The following ZNF596 variants were observed in gnomAD, a reference collection of about 807,000 sequenced individuals.
The protein encoded by ZNF596 is zinc finger protein 596.
ZNF596 carries 45 observed loss-of-function variants against 48.3 expected under a neutral mutation model. The ratio of observed to expected loss-of-function variants is 0.93; its 90% confidence interval spans 0.73 to 1.19. ZNF596 has a LOEUF of 1.19. Ranked by LOEUF, ZNF596 falls within the 50% of genes most tolerant of loss-of-function variation. The pLI, the probability that ZNF596 is intolerant of heterozygous loss-of-function variation, is 0.00. For missense variants in ZNF596, 848 were observed against 599.7 expected, an observed-to-expected ratio of 1.41 and a Z score of -4.32; for synonymous variants, 270 against 202.0, an observed-to-expected ratio of 1.34 and a Z score of -2.85.
intron 1 of ZNF596, among the ~76,000 whole-genome samples, chr8:238,529 G>A (rs1465772887): frequency 3.3e-5 from 5 of 151,154 alleles, no homozygotes; most frequent in South Asian, 2.1e-4. Flanking sequence ...GGCTGGGTGC[G>A]GTGGCTCACA....
Position 245,623 on chromosome 8 carries a change from C to A in ZNF596, c.776C>A (p.Ala259Asp), listed in dbSNP as rs1381303406. The change falls in exon 6 of 6, where the codon GCC becomes GAC. Residue 259 changes from alanine (A) to aspartate (D), a missense_variant. Coordinates refer to ENST00000398612, the MANE Select transcript of ZNF596 (RefSeq NM_001042416.3). Reference protein sequence around the residue: ...KPYGCHLCGKAFSKSSNLRRH... With the variant: ...KPYGCHLCGKDFSKSSNLRRH... ...TATGGATGTCATCTATGTGGGAAAG[C>A]CTTCAGTAAAAGTTCTAACCTTAGA... 2 of 1,613,956 alleles carry A rather than the reference C, an allele frequency of 1.2e-6. No individual in the cohort carries two copies. The highest frequency in any genetic ancestry group is 4.5e-5 in the East Asian group (2 of 44,844).
chr8:240,742 G>C, intron 1 of ZNF596, 82 bp from the exon 2 acceptor site: 1 of 874,358 alleles, frequency 1.1e-6, no homozygotes, highest in East Asian at 2.6e-5. Flanking sequence ...TGGTTGGACT[G>C]GGGCTAATAG....
intron 3 of ZNF596, 127 bp from the exon 4 acceptor site, chr8:243,595 A>C (rs1796939736): frequency 2.6e-6 from 2 of 774,766 alleles, no homozygotes; most frequent in Non-Finnish European, 4.2e-6. Context: ...GTTGTCTTCA[A>C]GGTACTCTTC....
chr8:237,281 A>G (rs1016411446), intron 1 of ZNF596: 2 of 152,212 alleles, frequency 1.3e-5, no homozygotes, highest in Middle Eastern at 3.4e-3. Flanking sequence ...TTTCTGTCAA[A>G]TCTGTTCATT....
chr8:233,152 T>C, intron 1 of ZNF596: 1 of 467,328 alleles, frequency 2.1e-6, no homozygotes, highest in South Asian at 1.6e-5. Context: ...CTGAGGAATT[T>C]GAACAAACAC....
At chr8:236,017 A>C (rs1263128416) in intron 1 of ZNF596, among the ~76,000 whole-genome samples, 2 of 152,176 alleles carry the variant, frequency 1.3e-5, no homozygotes, top group Non-Finnish European at 2.9e-5. Flanking sequence ...TTTTAAGTCT[A>C]GGTTGCCCTG....
chr8:239,970 C>T (rs776094088), intron 1 of ZNF596, among the ~76,000 whole-genome samples: 3 of 152,138 alleles, frequency 2.0e-5, no homozygotes, highest in African/African-American at 2.4e-5. Flanking sequence ...CAAGGCATTA[C>T]GAGCTCTGTA....
Position 247,296 on chromosome 8 carries a change from A to T in ZNF596, c.*934A>T, listed in dbSNP as rs1011407684. On this transcript the variant is annotated 3_prime_UTR_variant, in exon 6 of 6. Transcript: ENST00000398612. ...ATAACCTGGGAATATTGAATGCAGA[A>T]TTATGTAAGAAGTAATAAGATTAAA... is the stretch of plus-strand genomic sequence containing the variant. 172 of 152,258 alleles carry T rather than the reference A, an allele frequency of 1.1e-3. No homozygotes were observed. Among genetic ancestry groups the T allele is most frequent in the African/African-American group, 4.0e-3 (166 of 41,470 alleles). 9.4% of individuals were successfully genotyped at this position (152,258 alleles called of 1,614,324 possible). A position where few individuals can be genotyped will look rare whatever the true frequency, so the allele number is the denominator to read the frequency against.
At chr8:243,394 G>T in intron 3 of ZNF596, 1 of 290,330 alleles carries the variant, frequency 3.4e-6, no homozygotes, top group South Asian at 5.9e-5. Context: ...TTCTGGTGGA[G>T]CTAATATTTA....
intron 1 of ZNF596, among the ~76,000 whole-genome samples, chr8:240,076 G>C (rs1000271515): frequency 6.6e-6 from 1 of 152,220 alleles, no homozygotes; most frequent in Non-Finnish European, 1.5e-5. Context: ...CTCTGTGCCA[G>C]GAACTGGGGA....
chr8:243,249 T>C (rs576856551), intron 3 of ZNF596: 7 of 365,816 alleles, frequency 1.9e-5, no homozygotes, highest in African/African-American at 1.0e-4. Context: ...CAGTTTCACA[T>C]CCTTCTTGCT....
intron 1 of ZNF596, among the ~76,000 whole-genome samples, chr8:238,218 G>C (rs546659550): frequency 6.6e-6 from 1 of 152,274 alleles, no homozygotes; most frequent in East Asian, 1.9e-4. Flanking sequence ...TAGGAGGCTT[G>C]TGTGGAGGTT....
At chr8:237,996 G>C (rs1796687739) in intron 1 of ZNF596, among the ~76,000 whole-genome samples, 1 of 152,210 alleles carries the variant, frequency 6.6e-6, no homozygotes, top group Non-Finnish European at 1.5e-5. Context: ...TGGCAGGGGT[G>C]ACCCAGGCCC....
intron 4 of ZNF596, chr8:244,165 C>A: frequency 4.7e-6 from 1 of 213,298 alleles, no homozygotes; most frequent in Non-Finnish European, 9.2e-6. Flanking sequence ...GCTGGGATTA[C>A]AGTCATGAAC....
Position 244,607 on chromosome 8 carries a change from C to A in ZNF596, c.224-12C>A, listed in dbSNP as rs1455645247. 2 of 1,545,410 alleles carry A rather than the reference C, an allele frequency of 1.3e-6. No individual in the cohort carries two copies. Among genetic ancestry groups the A allele is most frequent in the Admixed American group, 1.9e-5 (1 of 51,936 alleles). On this transcript the variant is annotated splice_polypyrimidine_tract_variant and intron_variant, in intron 4 of 5. Coordinates refer to ENST00000398612, the MANE Select transcript of ZNF596 (RefSeq NM_001042416.3). ...TGCCTATATAGCATCTTTTTTTTTT[C>A]ATTTATTTCAGGTAGAGAAGTTGGC...
At chr8:241,324 G>T (rs1796846714) in intron 2 of ZNF596, among the ~76,000 whole-genome samples, 1 of 152,130 alleles carries the variant, frequency 6.6e-6, no homozygotes, top group African/African-American at 2.4e-5. Flanking sequence ...GGCAAGCTCA[G>T]TTAGTCTAGT....
At chr8:233,143 T>G (rs1176156468) in intron 1 of ZNF596, 1 of 467,808 alleles carries the variant, frequency 2.1e-6, no homozygotes, top group Non-Finnish European at 4.4e-6. Context: ...TGGATGGGTC[T>G]GAGGAATTTG....
intron 1 of ZNF596, among the ~76,000 whole-genome samples, chr8:239,631 G>A (rs1204871113): frequency 2.0e-5 from 3 of 152,168 alleles, no homozygotes; most frequent in Non-Finnish European, 4.4e-5. Flanking sequence ...GTTACATACA[G>A]CAAGTTTTGG....
rs897156201 is a variant in ZNF596, at chr8:247,199, T to C, written c.*837T>C. 1 of 152,062 alleles carries C rather than the reference T, an allele frequency of 6.6e-6. No homozygotes were observed. The highest frequency in any genetic ancestry group is 2.4e-5 in the African/African-American group (1 of 41,400). 9.4% of individuals were successfully genotyped at this position (152,062 alleles called of 1,614,324 possible). A position where few individuals can be genotyped will look rare whatever the true frequency, so the allele number is the denominator to read the frequency against. ...AACATAAAGCCATCAAGCACGTGCTTGAGAAAAAAATTATAATTTTGAATA... is the reference window on the plus strand; with the variant it reads ...AACATAAAGCCATCAAGCACGTGCTCGAGAAAAAAATTATAATTTTGAATA... On this transcript the variant is annotated 3_prime_UTR_variant, in exon 6 of 6. Transcript: ENST00000398612.
Sources: allele counts gnomAD v4.1 joint callset (sites outside exome capture counted in the v4.1 genomes callset), GRCh38; gene constraint gnomAD v4.1.1; transcripts MANE v1.5; gene names NCBI Gene and HGNC (gene_info 2026-07-23, HGNC 2026-07-21).